The following GNB4 variants were observed in gnomAD, a reference collection of about 807,000 sequenced individuals.
GNB4 encodes G protein subunit beta 4, also known as guanine nucleotide-binding protein subunit beta-4.
GNB4 carries 28 observed loss-of-function variants against 45.2 expected under a neutral mutation model. The observed-to-expected ratio is 0.62, with a 90% CI of 0.46 to 0.85. The LOEUF is 0.85. GNB4 is among the 40% of genes least tolerant of loss of function. GNB4 has a pLI of 0.00. For synonymous variants in GNB4, 132 were observed against 143.7 expected (o/e 0.92, Z 0.58); for missense variants, 321 against 425.4 (o/e 0.75, Z 2.16).
chr3:179,473,331 C>T, the GNB4 span, among the ~76,000 whole-genome samples: 1 of 152,212 alleles, frequency 6.6e-6, no homozygotes, highest in South Asian at 2.1e-4. Context: ...TATAGATTCA[C>T]AGGAAGTTGC....
the GNB4 span, among the ~76,000 whole-genome samples, chr3:179,469,477 T>C: frequency 1.3e-5 from 2 of 152,278 alleles, no homozygotes; most frequent in Admixed American, 1.3e-4. Flanking sequence ...TATGAAAACA[T>C]ATTCTAAGAT....
intron 1 of GNB4, among the ~76,000 whole-genome samples, chr3:179,426,443 G>A (rs1715149837): frequency 6.6e-6 from 1 of 152,174 alleles, no homozygotes; most frequent in Non-Finnish European, 1.5e-5. Flanking sequence ...CATGATCAGA[G>A]GATGGAGGAG....
intron 8 of GNB4, among the ~76,000 whole-genome samples, chr3:179,408,651 G>C (rs1422211062): frequency 6.6e-6 from 1 of 152,012 alleles, no homozygotes; most frequent in Non-Finnish European, 1.5e-5. Flanking sequence ...AATTAGCCGG[G>C]CATGGTAGTG....
chr3:179,482,743 T>C, the GNB4 span, among the ~76,000 whole-genome samples: 2 of 152,208 alleles, frequency 1.3e-5, no homozygotes, highest in East Asian at 1.9e-4. Context: ...TTTGGCATTA[T>C]TCCAAGGCTT....
chr3:179,454,933 G>T (rs979389818), upstream of GNB4, among the ~76,000 whole-genome samples: 1 of 152,190 alleles, frequency 6.6e-6, no homozygotes, highest in Admixed American at 6.5e-5. Flanking sequence ...AGTAGATTCT[G>T]TAAGAAGTCA....
the GNB4 span, among the ~76,000 whole-genome samples, chr3:179,499,252 GGTTCA>G: frequency 6.7e-6 from 1 of 149,444 alleles, no homozygotes; most frequent in Non-Finnish European, 1.5e-5. Flanking sequence ...CCGCCTCCCA[GGTTCA>G]CGCCATTCTC....
Position 179,419,424 on chromosome 3 carries a change from CA to C in GNB4, c.177del (p.Tyr59Ter), listed in dbSNP as rs746520475. 6.2e-7 allele frequency: 1 copy of C among 1,610,000 alleles called. No individual in the cohort carries two copies. Among genetic ancestry groups the C allele is most frequent in the Non-Finnish European group, 8.5e-7 (1 of 1,176,286 alleles). On this transcript the variant is annotated frameshift_variant, in exon 4 of 10. Coordinates refer to ENST00000232564, the MANE Select transcript of GNB4 (RefSeq NM_021629.4). LOFTEE classifies it high-confidence loss of function. Reference sequence around the variant, plus strand: ...CTGGAATCGTATCCCCAATGCATAGCATAGATTTTAGCTAGGTGGCCCCTCA... The same window carrying C: ...CTGGAATCGTATCCCCAATGCATAGCTAGATTTTAGCTAGGTGGCCCCTCA... ...RTLRGHLAKI[Y>X]AMHWGYDSRL...
Position 179,400,523 on chromosome 3 carries a change from TATA to T in GNB4, c.*687_*689del, listed in dbSNP as rs1714261332. On this transcript the variant is annotated 3_prime_UTR_variant, in exon 10 of 10. Transcript: ENST00000232564. ...ATGCTATTACCTACTTTTTATTAAT[TATA>T]ATGATGTTTCTTATGTATGTCCAAA... is the stretch of plus-strand genomic sequence containing the variant. 6.6e-6 allele frequency: 1 copy of T among 152,112 alleles called. No homozygotes were observed. The highest frequency in any genetic ancestry group is 2.4e-5 in the African/African-American group (1 of 41,350). The allele number at this position is 152,112 out of a possible 1,614,324, so 9.4% of individuals were successfully genotyped here.
At chr3:179,444,573 A>C (rs1204858882) in intron 1 of GNB4, among the ~76,000 whole-genome samples, 4 of 152,064 alleles carry the variant, frequency 2.6e-5, no homozygotes, top group African/African-American at 9.7e-5. Context: ...TTTCATCGGC[A>C]CGGTGGCATG....
the GNB4 span, among the ~76,000 whole-genome samples, chr3:179,510,827 C>G: frequency 6.6e-6 from 1 of 152,240 alleles, no homozygotes; most frequent in South Asian, 2.1e-4. Context: ...GGCTGGAACC[C>G]AAATTATTTC....
chr3:179,461,710 AT>A, the GNB4 span, among the ~76,000 whole-genome samples: 10 of 151,672 alleles, frequency 6.6e-5, no homozygotes, highest in East Asian at 1.9e-4. Context: ...CTAAAAACAA[AT>A]TTTTTTTTGC....
At chr3:179,489,896 G>A in the GNB4 span, among the ~76,000 whole-genome samples, 1 of 152,096 alleles carries the variant, frequency 6.6e-6, no homozygotes, top group Non-Finnish European at 1.5e-5. Flanking sequence ...CAACTGCTTT[G>A]CGTACAACAC....
the GNB4 span, among the ~76,000 whole-genome samples, chr3:179,504,940 A>G: frequency 6.6e-6 from 1 of 152,126 alleles, no homozygotes; most frequent in African/African-American, 2.4e-5. Flanking sequence ...ACATCAAGGA[A>G]TTGTGTAGTG....
upstream of GNB4, among the ~76,000 whole-genome samples, chr3:179,455,006 C>G (rs1262694973): frequency 6.6e-6 from 1 of 152,212 alleles, no homozygotes; most frequent in Non-Finnish European, 1.5e-5. Context: ...AGCCTTCCCT[C>G]TTGCTCACAC....
At chr3:179,480,897 G>T in the GNB4 span, among the ~76,000 whole-genome samples, 1 of 148,544 alleles carries the variant, frequency 6.7e-6, no homozygotes, top group South Asian at 2.1e-4. Flanking sequence ...TGTCACCCAG[G>T]CTGGAGTGCA....
At position 179,414,199 on chromosome 3, in the gene GNB4, AT is replaced by A. The variant is rs1051860436; in HGVS notation, c.431-419del. 1.1e-3 allele frequency among the ~76,000 whole-genome samples: 162 copies of A among 151,928 alleles called. 1 individual carries two copies. Among genetic ancestry groups the A allele is most frequent in the African/African-American group, 3.8e-3 (157 of 41,418 alleles). ...TTCTCTGCAAGGAGCAGTTAAAAAA[AT>A]TTTTTTTTCAAATAAAAAATATTAA... On this transcript the variant is annotated intron_variant, in intron 6 of 9. Transcript: ENST00000232564.
At chr3:179,514,226 T>G in the GNB4 span, among the ~76,000 whole-genome samples, 1 of 152,110 alleles carries the variant, frequency 6.6e-6, no homozygotes, top group Non-Finnish European at 1.5e-5. Context: ...GAAGCTGCAT[T>G]TAGGCTGGGT....
chr3:179,501,059 TAAG>T, the GNB4 span, among the ~76,000 whole-genome samples: 1 of 152,150 alleles, frequency 6.6e-6, no homozygotes, highest in Non-Finnish European at 1.5e-5. Context: ...CTCAGTTGAG[TAAG>T]CTCTGGAAGT....
At chr3:179,435,516 A>G (rs1715422385) in intron 1 of GNB4, among the ~76,000 whole-genome samples, 1 of 151,326 alleles carries the variant, frequency 6.6e-6, no homozygotes, top group Admixed American at 6.6e-5. Context: ...TGTAATCGCC[A>G]AGCAATTTCA....
Sources: allele counts gnomAD v4.1 joint callset (sites outside exome capture counted in the v4.1 genomes callset), GRCh38; gene constraint gnomAD v4.1.1; transcripts MANE v1.5; gene names NCBI Gene and HGNC (gene_info 2026-07-23, HGNC 2026-07-21).